CHST7: variants seen among roughly 807,000 people sequenced by gnomAD.
CHST7 encodes the protein carbohydrate sulfotransferase 7.
In CHST7, 5 loss-of-function variants were observed where a neutral mutation model predicts 9.0. The observed-to-expected ratio is 0.56, with a 90% CI of 0.29 to 1.17. The LOEUF is 1.17. Among genes scored for constraint, CHST7 ranks in the 50% most tolerant of loss-of-function variants. CHST7 has a pLI of 0.08. For synonymous variants in CHST7, 244 were observed against 237.1 expected (o/e 1.03, Z -0.27); for missense variants, 377 against 485.1 (o/e 0.78, Z 2.09).
intron 1 of CHST7, among the ~76,000 whole-genome samples, chrX:46,582,874 G>A (rs1161927064): frequency 1.8e-5 from 2 of 109,973 alleles, no homozygotes; most frequent in Non-Finnish European, 3.8e-5. Context: ...AGCCCTCTTT[G>A]TGGTCTCAGC....
intron 1 of CHST7, among the ~76,000 whole-genome samples, chrX:46,596,909 T>C (rs1223617348): frequency 9.6e-6 from 1 of 104,012 alleles, no homozygotes; most frequent in African/African-American, 3.6e-5. Flanking sequence ...ATCATGCCAC[T>C]GTACTCCAGC....
At chrX:46,597,625 T>C (rs949520077) in intron 1 of CHST7, 135 bp from the exon 2 acceptor site, 1 of 112,873 alleles carries the variant, frequency 8.9e-6, no homozygotes, top group Middle Eastern at 4.6e-3. Flanking sequence ...AAATGGTTGA[T>C]ACTGATTCGG....
rs1231784164 is a variant in CHST7, at chrX:46,574,146, G to C, written c.215G>C (p.Arg72Pro). 7.7e-6 allele frequency: 9 copies of C among 1,165,246 alleles called. No individual in the cohort carries two copies. The highest frequency in any genetic ancestry group is 1.0e-5 in the Non-Finnish European group (9 of 872,342). The change falls in exon 1 of 2, where the codon CGG becomes CCG. Residue 72 changes from arginine (R) to proline (P), a missense_variant. Arg to Pro is a moderately radical substitution (Grantham distance 103, BLOSUM62 -2). Around this residue, in one of 3 missense-constraint regions of CHST7, gnomAD observed 239 missense variants for 325.7 expected, o/e 0.73. Coordinates refer to ENST00000276055, the MANE Select transcript of CHST7 (RefSeq NM_019886.4). ...GAACGCGAGCAGGGAGCGGAGGCGC[G>C]GGCCGCCGAGGAAGGGGGCGCGAAC... Reference protein sequence around the residue: ...AGEREQGAEARAAEEGGANQS... With the variant: ...AGEREQGAEAPAAEEGGANQS...
rs778539232 is a variant in CHST7, at chrX:46,575,420, C to A, written c.*28C>A. ...TCCCATCCCTGTCCCCGGCACGGAT[C>A]CGGGTAAGGTGGCCCGGGGCAAGGC... On this transcript the variant is annotated 3_prime_UTR_variant, in exon 1 of 2. Transcript: ENST00000276055. 7.9e-6 allele frequency: 8 copies of A among 1,016,964 alleles called. No homozygotes were observed. Among genetic ancestry groups the A allele is most frequent in the South Asian group, 6.2e-5 (2 of 32,357 alleles). The allele number at this position is 1,016,964 out of a possible 1,213,427, so 83.8% of individuals were successfully genotyped here.
chrX:46,576,059 T>C (rs1197359285), intron 1 of CHST7, among the ~76,000 whole-genome samples: 1 of 111,210 alleles, frequency 9.0e-6, no homozygotes, highest in Non-Finnish European at 1.9e-5. Flanking sequence ...GCAACACTTC[T>C]TGCACATTGT....
At chrX:46,580,498 A>G (rs1341120099) in intron 1 of CHST7, among the ~76,000 whole-genome samples, 1 of 111,863 alleles carries the variant, frequency 8.9e-6, no homozygotes, top group Non-Finnish European at 1.9e-5. Context: ...GTGTGTGCGC[A>G]TGTGTGTGTG....
At chrX:46,586,805 G>A (rs1652445475) in intron 1 of CHST7, among the ~76,000 whole-genome samples, 2 of 108,928 alleles carry the variant, frequency 1.8e-5, no homozygotes, top group Non-Finnish European at 3.8e-5. Context: ...GCACGATCTC[G>A]GTTCACCACA....
chrX:46,575,334 C>T lies in CHST7; in HGVS notation c.1403C>T (p.Ala468Val). The T allele has an allele frequency of 9.3e-7, 1 of 1,080,417 alleles. No individual in the cohort carries two copies. The highest frequency in any genetic ancestry group is 1.2e-6 in the Non-Finnish European group (1 of 837,031). The allele number at this position is 1,080,417 out of a possible 1,213,427, so 89.0% of individuals were successfully genotyped here. ...AYPRSGEEGD[A>V]EQPREGETPL... ...CCTCGCAGCGGAGAGGAGGGCGACG[C>T]GGAGCAGCCCAGGGAAGGGGAGACG... The change falls in exon 1 of 2, where the codon GCG becomes GTG. Residue 468 changes from alanine to valine, a missense_variant. Around this residue, in one of 3 missense-constraint regions of CHST7, gnomAD observed 8 missense variants for 24.5 expected, o/e 0.33. Coordinates refer to ENST00000276055, the MANE Select transcript of CHST7 (RefSeq NM_019886.4).
rs1010264813 is a variant in CHST7 at position 46,588,417 on chromosome X, C to T, written c.*32-9343C>T. ...TAAAGCCAGCAGGAAGTTGATTCAT[C>T]CCCCTCCCCCATCCCGGCTTCAAAG... On this transcript the variant is annotated intron_variant, in intron 1 of 1. Transcript: ENST00000276055. Among the ~76,000 whole-genome samples, 6 of 110,939 alleles carry T rather than the reference C, an allele frequency of 5.4e-5. 1 individual carries two copies. Among genetic ancestry groups the T allele is most frequent in the African/African-American group, 6.6e-5 (2 of 30,441 alleles).
At chrX:46,590,347 C>T (rs1231233786) in intron 1 of CHST7, among the ~76,000 whole-genome samples, 1 of 109,402 alleles carries the variant, frequency 9.1e-6, no homozygotes, top group East Asian at 2.8e-4. Flanking sequence ...GAAGTCAAGG[C>T]GGGAGGATTA....
intron 1 of CHST7, among the ~76,000 whole-genome samples, chrX:46,594,445 T>C (rs947965516): frequency 1.8e-5 from 2 of 109,066 alleles, no homozygotes; most frequent in African/African-American, 3.4e-5. Context: ...GAGAATCATC[T>C]GAACCCAGGA....
chrX:46,575,146 G>T lies in CHST7; in HGVS notation c.1215G>T (p.Ala405=), dbSNP rs1323481431. Residue 405 remains alanine (A), a synonymous_variant, in exon 1 of 2, where the codon GCG becomes GCT. Transcript: ENST00000276055. ...LRALAALDAF[A]LNMTRGAAYG... is the part of the protein sequence containing the mutation. ...CGCTCGCAGCGCTCGATGCCTTCGCGCTCAACATGACTCGCGGCGCGGCCT... is the reference window on the plus strand; with the variant it reads ...CGCTCGCAGCGCTCGATGCCTTCGCTCTCAACATGACTCGCGGCGCGGCCT... The T allele has an allele frequency of 7.3e-6, 8 of 1,097,421 alleles. No homozygotes were observed. Among genetic ancestry groups the T allele is most frequent in the Non-Finnish European group, 8.2e-6 (7 of 848,652 alleles). 90.4% of individuals were successfully genotyped at this position (1,097,421 alleles called of 1,213,427 possible). A position where few individuals can be genotyped will look rare whatever the true frequency, so the allele number is the denominator to read the frequency against.
chrX:46,585,100 A>G (rs1000483927), intron 1 of CHST7, among the ~76,000 whole-genome samples: 2 of 111,118 alleles, frequency 1.8e-5, no homozygotes, highest in Admixed American at 1.9e-4. Context: ...TGTTAAATAC[A>G]CAGATTTTAG....
At chrX:46,582,392 C>T (rs1249206007) in intron 1 of CHST7, among the ~76,000 whole-genome samples, 4 of 112,110 alleles carry the variant, frequency 3.6e-5, no homozygotes, top group East Asian at 5.6e-4. Context: ...TTTCTTGGAA[C>T]GTCTGTTTCC....
rs1181940725 is a variant in CHST7, at chrX:46,574,414, C to T, written c.483C>T (p.Phe161=). ...GALRDMLRSL[F]RCDFSVLRLY... ...TGCGCGACATGCTGCGTTCGCTCTT[C>T]CGCTGCGACTTCTCCGTGCTGCGGC... The change falls in exon 1 of 2, where the codon TTC becomes TTT. Residue 161 remains phenylalanine (F), a synonymous_variant. Transcript: ENST00000276055. 3 of 1,207,142 alleles carry T rather than the reference C, an allele frequency of 2.5e-6. No homozygotes were observed. The highest frequency in any genetic ancestry group is 3.5e-5 in the African/African-American group (2 of 57,322).
At chrX:46,590,694 T>C (rs751614294) in intron 1 of CHST7, among the ~76,000 whole-genome samples, 1 of 111,882 alleles carries the variant, frequency 8.9e-6, no homozygotes, top group African/African-American at 3.2e-5. Context: ...TTTTCAGCAG[T>C]TTTTACGTGT....
chrX:46,594,005 T>A (rs779929661), intron 1 of CHST7, among the ~76,000 whole-genome samples: 2 of 112,424 alleles, frequency 1.8e-5, no homozygotes, highest in South Asian at 7.3e-4. Context: ...AAAATAATTT[T>A]AAAAACTCAA....
At chrX:46,594,478 G>A (rs1942584843) in intron 1 of CHST7, among the ~76,000 whole-genome samples, 2 of 106,070 alleles carry the variant, frequency 1.9e-5, no homozygotes, top group African/African-American at 7.0e-5. Context: ...AGTGAGCCAA[G>A]ATCACGCCAC....
intron 1 of CHST7, among the ~76,000 whole-genome samples, chrX:46,582,948 G>GTTTTTTTTTTTTTTTT (rs34049715): frequency 1.1e-5 from 1 of 94,293 alleles, no homozygotes; most frequent in Non-Finnish European, 2.1e-5. Flanking sequence ...TTTCTAAGAG[G>GTTTTTTTTTTTTTTTT]TTTTTTTTTT....
Sources: allele counts gnomAD v4.1 joint callset (sites outside exome capture counted in the v4.1 genomes callset), GRCh38; gene constraint gnomAD v4.1.1; regional missense constraint gnomAD v4.1.1; transcripts MANE v1.5; gene names NCBI Gene and HGNC (gene_info 2026-07-23, HGNC 2026-07-21).